The following VPS13B variants were observed in gnomAD, a reference collection of about 807,000 sequenced individuals.
VPS13B encodes vacuolar protein sorting 13 homolog B.
In VPS13B, 285 loss-of-function variants were observed where a neutral mutation model predicts 426.4. The observed-to-expected ratio is 0.67, with a 90% confidence interval of 0.61 to 0.74. The LOEUF is 0.74. VPS13B is among the 30% of genes least tolerant of loss of function. The pLI is 0.00. For missense variants in VPS13B, 4,537 were observed against 4,782.6 expected (o/e 0.95, Z 1.51); for synonymous variants, 1,676 against 1,676.4 (o/e 1.00, Z 0.01).
chr8:99,786,505 C>G (rs545672717), intron 43 of VPS13B, among the ~76,000 whole-genome samples: 3 of 152,096 alleles, frequency 2.0e-5, no homozygotes, highest in Non-Finnish European at 4.4e-5. Context: ...TGAGAAATCA[C>G]TGGAATAGTA....
At chr8:99,345,818 G>A (rs113364759) in intron 19 of VPS13B, among the ~76,000 whole-genome samples, 22 of 152,116 alleles carry the variant, frequency 1.4e-4, no homozygotes, top group Admixed American at 2.0e-4. Flanking sequence ...ACTGAAAACC[G>A]GAAGGCAAGG....
intron 51 of VPS13B, among the ~76,000 whole-genome samples, chr8:99,827,383 G>A (rs191890675): frequency 6.6e-6 from 1 of 151,978 alleles, no homozygotes; most frequent in East Asian, 1.9e-4. Context: ...TTCTCTGATG[G>A]TAGTTTGTAT....
intron 3 of VPS13B, among the ~76,000 whole-genome samples, chr8:99,080,997 G>C (rs1485652238): frequency 6.6e-6 from 1 of 152,134 alleles, no homozygotes. Flanking sequence ...TTGCTGTATT[G>C]GGTGATAGCA....
chr8:99,020,512 T>C (rs1247308242), intron 2 of VPS13B, among the ~76,000 whole-genome samples: 2 of 152,244 alleles, frequency 1.3e-5, no homozygotes, highest in African/African-American at 2.4e-5. Context: ...GCTATTTCTC[T>C]CATTCATTGT....
Position 99,766,988 on chromosome 8 carries a change from G to A in VPS13B, c.7247+18G>A, listed in dbSNP as rs769448684. ...GACCAAAGGTAATTCATTGAAAGAT[G>A]ATATGGTAGCATTACACTGGGAAAC... On this transcript the variant is annotated intron_variant, in intron 40 of 61. Transcript: ENST00000357162. The A allele has an allele frequency of 1.9e-6, 3 of 1,610,868 alleles. No homozygotes were observed. The highest frequency in any genetic ancestry group is 1.7e-4 in the Middle Eastern group (1 of 6,048).
At chr8:99,127,642 G>A (rs1159219002) in intron 8 of VPS13B, among the ~76,000 whole-genome samples, 1 of 152,190 alleles carries the variant, frequency 6.6e-6, no homozygotes, top group African/African-American at 2.4e-5. Context: ...TGATCTCAAG[G>A]CTCCAGGAAA....
At chr8:99,649,384 A>C (rs1157137635) in intron 34 of VPS13B, among the ~76,000 whole-genome samples, 6 of 152,078 alleles carry the variant, frequency 3.9e-5, no homozygotes, top group Non-Finnish European at 8.8e-5. Flanking sequence ...ATATTGTCCT[A>C]CAAATCTCTA....
At chr8:99,858,424 A>C (rs1258576046) in intron 56 of VPS13B, among the ~76,000 whole-genome samples, 1 of 152,208 alleles carries the variant, frequency 6.6e-6, no homozygotes, top group Non-Finnish European at 1.5e-5. Flanking sequence ...CTCCTGGGAC[A>C]TGCACAAGGG....
intron 33 of VPS13B, among the ~76,000 whole-genome samples, chr8:99,625,797 G>T (rs1162842368): frequency 3.9e-5 from 6 of 152,118 alleles, no homozygotes; most frequent in African/African-American, 1.4e-4. Flanking sequence ...AGTGAGCTAT[G>T]GTCACGCCAC....
At chr8:99,566,496 A>G (rs1416607019) in intron 31 of VPS13B, among the ~76,000 whole-genome samples, 1 of 149,786 alleles carries the variant, frequency 6.7e-6, no homozygotes, top group African/African-American at 2.5e-5. Context: ...GCTGGAGTGT[A>G]GTGGTGCAGT....
rs528333868 is a variant in VPS13B, at chr8:99,712,176, G to A, written c.6455-4995G>A. 4.6e-5 allele frequency among the ~76,000 whole-genome samples: 7 copies of A among 152,266 alleles called. No homozygotes were observed. The South Asian group carries it at 6.2e-4, about 14-fold the overall frequency. ...CTAAACTGGTTTAAGCAGTTTTTAC[G>A]TATGTGAAAAGCTCCAAACCAGTGT... On this transcript the variant is annotated intron_variant, in intron 36 of 61. Coordinates refer to ENST00000357162, the MANE Select transcript of VPS13B (RefSeq NM_152564.5).
intron 5 of VPS13B, among the ~76,000 whole-genome samples, chr8:99,109,147 T>C (rs961609054): frequency 1.3e-5 from 2 of 152,126 alleles, no homozygotes; most frequent in African/African-American, 4.8e-5. Flanking sequence ...TATTGGTGTA[T>C]ATAGTTGTAG....
At chr8:99,115,951 A>G (rs1847635109) in intron 7 of VPS13B, 77 bp downstream of exon 7, 1 of 1,452,206 alleles carries the variant, frequency 6.9e-7, no homozygotes, top group Non-Finnish European at 9.5e-7. Context: ...ACTTTAAAAA[A>G]TGTATTAGCT....
chr8:99,679,412 G>A (rs1831065703), intron 35 of VPS13B, among the ~76,000 whole-genome samples: 1 of 152,150 alleles, frequency 6.6e-6, no homozygotes, highest in Non-Finnish European at 1.5e-5. Flanking sequence ...ATTTACTTTA[G>A]AAATTGGTGC....
intron 19 of VPS13B, among the ~76,000 whole-genome samples, chr8:99,306,035 TAAGAC>T (rs1311302724): frequency 6.6e-6 from 1 of 152,170 alleles, no homozygotes; most frequent in African/African-American, 2.4e-5. Flanking sequence ...AGATGACTAT[TAAGAC>T]AAAAGTTTTC....
intron 37 of VPS13B, among the ~76,000 whole-genome samples, chr8:99,719,965 A>G (rs897414127): frequency 6.6e-5 from 10 of 152,164 alleles, no homozygotes; most frequent in African/African-American, 2.4e-4. Flanking sequence ...GCTGTCCCAC[A>G]AGGTTATTAT....
At chr8:99,467,032 G>A (rs1029189377) in intron 23 of VPS13B, among the ~76,000 whole-genome samples, 3 of 152,100 alleles carry the variant, frequency 2.0e-5, no homozygotes, top group South Asian at 2.1e-4. Flanking sequence ...AGTTCTTGGA[G>A]GCTACAGTCC....
chr8:99,275,211 C>G lies in VPS13B; in HGVS notation c.2781C>G (p.Phe927Leu). 1 of 1,611,194 alleles carries G rather than the reference C, an allele frequency of 6.2e-7. No homozygotes were observed. Among genetic ancestry groups the G allele is most frequent in the Middle Eastern group, 1.7e-4 (1 of 6,044 alleles). The change falls in exon 19 of 62, where the codon TTC becomes TTG. Residue 927 changes from phenylalanine (F) to leucine (L), a missense_variant. Transcript: ENST00000357162. ...ESLLAPDLMA[F>L]TIQVPQYIDY... ...TCTTAGCTCCAGATTTGATGGCCTT[C>G]ACAATCCAAGTTCCACAATATATTG...
chr8:99,250,295 A>G (rs1008605993), intron 17 of VPS13B, among the ~76,000 whole-genome samples: 2 of 152,162 alleles, frequency 1.3e-5, no homozygotes, highest in African/African-American at 2.4e-5. Flanking sequence ...TATGGTTTAC[A>G]ACTATCTTTT....
Sources: allele counts gnomAD v4.1 joint callset (sites outside exome capture counted in the v4.1 genomes callset), GRCh38; gene constraint gnomAD v4.1.1; transcripts MANE v1.5; gene names NCBI Gene and HGNC (gene_info 2026-07-23, HGNC 2026-07-21).